The following CFAP74 variants were observed in gnomAD, a reference collection of about 807,000 sequenced individuals.
The protein encoded by CFAP74 is cilia and flagella associated protein 74, also known as cilia- and flagella-associated protein 74.
CFAP74 carries 124 observed loss-of-function variants against 188.9 expected under a neutral mutation model. That is an observed-to-expected ratio of 0.66 (90% CI 0.57 to 0.76). The LOEUF (loss-of-function observed/expected upper bound fraction) is 0.76. CFAP74 is among the 30% of genes least tolerant of loss of function. The probability of loss-of-function intolerance (pLI) is 0.00; values close to 1 mark genes in which losing one functional copy is unlikely to be tolerated. For synonymous variants in CFAP74, 956 were observed against 916.7 expected (o/e 1.04, Z -0.77); for missense variants, 2,198 against 2,165.2 (o/e 1.02, Z -0.30).
intron 1 of CFAP74, among the ~76,000 whole-genome samples, chr1:1,998,540 C>G (rs1658032509): frequency 6.6e-6 from 1 of 152,092 alleles, no homozygotes. Context: ...ACTTTTTTGA[C>G]TTTGCAATTT....
At chr1:1,970,849 C>T (rs1175396659) in intron 9 of CFAP74, 33 bp from the exon 10 acceptor site, 2 of 1,611,112 alleles carry the variant, frequency 1.2e-6, no homozygotes, top group Admixed American at 1.7e-5. Flanking sequence ...ATGACAGCAG[C>T]AGCACCCACG....
At chr1:1,940,986 G>T (rs996793650) in intron 22 of CFAP74, among the ~76,000 whole-genome samples, 2 of 152,044 alleles carry the variant, frequency 1.3e-5, no homozygotes, top group Admixed American at 1.3e-4. Flanking sequence ...GGTGGCGGGC[G>T]CCTGTAGTCC....
chr1:1,923,427 G>A lies in CFAP74; in HGVS notation c.4462C>T (p.Leu1488=). The change falls in exon 36 of 39, where the codon CTG becomes TTG. Residue 1488 remains leucine, a synonymous_variant. Coordinates refer to ENST00000682832, the MANE Select transcript of CFAP74 (RefSeq NM_001304360.2). The surrounding 1 kb of genome is among the most constrained non-coding windows in gnomAD (Gnocchi z 6.3). ...GTCAGAGACTCCACGGGCACGTCCA[G>A]GGGGTCGCCGCCCTCCACGAACATC... ...HMMFVEGGDP[L]DVPVESLTAI... 1 of 1,604,376 alleles carries A rather than the reference G, an allele frequency of 6.2e-7. No homozygotes were observed. The highest frequency in any genetic ancestry group is 8.5e-7 in the Non-Finnish European group (1 of 1,176,604).
intron 16 of CFAP74, among the ~76,000 whole-genome samples, chr1:1,958,579 C>T (rs1292779880): frequency 2.0e-5 from 3 of 152,204 alleles, no homozygotes; most frequent in Non-Finnish European, 4.4e-5. Context: ...ACTGGAGATG[C>T]ATGCTGAAGT....
chr1:1,974,319 C>A, intron 6 of CFAP74, 121 bp from the exon 7 acceptor site: 1 of 956,158 alleles, frequency 1.0e-6, no homozygotes. Context: ...TGGGTTAGCT[C>A]CCTCCTCTAG....
chr1:1,936,562 GAAA>G (rs921956192), intron 25 of CFAP74, among the ~76,000 whole-genome samples: 1 of 150,722 alleles, frequency 6.6e-6, no homozygotes, highest in Non-Finnish European at 1.5e-5. Context: ...AACAAAAAAA[GAAA>G]AAAAAGAAAA....
chr1:1,927,185 C>T (rs1398110764), intron 28 of CFAP74, 157 bp from the exon 29 acceptor site: 31 of 810,804 alleles, frequency 3.8e-5, no homozygotes, highest in Non-Finnish European at 5.3e-5. Context: ...CCACCCTTCT[C>T]TGGCTCCTGT....
In CFAP74 at chr1:1,928,873, C is replaced by A. The variant is rs1291706854; in HGVS notation, c.3298G>T (p.Val1100Phe). The change falls in exon 27 of 39, where the codon GTC becomes TTC. Residue 1100 changes from valine to phenylalanine, a missense_variant. Val to Phe is a conservative substitution (Grantham distance 50). Transcript: ENST00000682832. ...AGCACTGGCCGGAAGGCCACCTGGACCAGGCACCTCTGAGGAGAGACCAGC... is the reference window on the plus strand; with the variant it reads ...AGCACTGGCCGGAAGGCCACCTGGAACAGGCACCTCTGAGGAGAGACCAGC... ...GTVWPGKRCL[V>F]QVAFRPVLPE... 6.5e-7 allele frequency: 1 copy of A among 1,535,414 alleles called. No homozygotes were observed. The highest frequency in any genetic ancestry group is 8.7e-7 in the Non-Finnish European group (1 of 1,146,506).
intron 6 of CFAP74, chr1:1,984,898 C>T: frequency 6.2e-6 from 1 of 162,144 alleles, no homozygotes; most frequent in Non-Finnish European, 1.4e-5. Flanking sequence ...GACCTGGCTG[C>T]AGCTCCCGGG....
At chr1:1,985,845 TCC>T (rs1255761866) in intron 5 of CFAP74, among the ~76,000 whole-genome samples, 1 of 152,048 alleles carries the variant, frequency 6.6e-6, no homozygotes, top group Non-Finnish European at 1.5e-5. Flanking sequence ...GCGCCCTGGG[TCC>T]CCTCCCTCCC....
At chr1:1,948,124 G>GC (rs1191429013) in intron 18 of CFAP74, among the ~76,000 whole-genome samples, 5 of 151,764 alleles carry the variant, frequency 3.3e-5, no homozygotes, top group African/African-American at 7.3e-5. Context: ...GCCCACCTTG[G>GC]CCTCCCAAAG....
chr1:1,956,231 G>A (rs1261097579), intron 17 of CFAP74, among the ~76,000 whole-genome samples: 4 of 152,300 alleles, frequency 2.6e-5, no homozygotes, highest in South Asian at 4.1e-4. Flanking sequence ...AGGACAAGAC[G>A]CGCTCACACT....
chr1:1,958,806 T>A (rs1203826812), intron 16 of CFAP74, among the ~76,000 whole-genome samples: 1 of 151,980 alleles, frequency 6.6e-6, no homozygotes, highest in Non-Finnish European at 1.5e-5. Flanking sequence ...TCAGGCGGGA[T>A]CCCCCCAAGA....
chr1:1,966,088 G>A (rs745306960), intron 12 of CFAP74, among the ~76,000 whole-genome samples: 2 of 152,234 alleles, frequency 1.3e-5, no homozygotes, highest in African/African-American at 2.4e-5. Context: ...GAGCCCCACC[G>A]TCCCTCCCCG....
chr1:1,966,378 G>A lies in CFAP74; in HGVS notation c.1394C>T (p.Pro465Leu), dbSNP rs1285015515. The A allele has an allele frequency of 5.7e-6, 9 of 1,570,830 alleles. No individual in the cohort carries two copies. The highest frequency in any genetic ancestry group is 2.7e-5 in the African/African-American group (2 of 72,828). ...AGGAGCAGGAGCTGATACCTGGTAT[G>A]GCTTGTAGTCTTCATTCCAAAGCCC... is the stretch of plus-strand genomic sequence containing the variant. ...ISGLWNEDYKPYQVPKEDVDR... is the reference protein window; with the variant it reads ...ISGLWNEDYKLYQVPKEDVDR... Residue 465 changes from proline to leucine, a missense_variant, in exon 12 of 39, where the codon CCA becomes CTA. By Grantham distance (98) the Pro-to-Leu change is moderately conservative. Transcript: ENST00000682832.
At chr1:1,981,728 A>ATG (rs1656875630) in intron 6 of CFAP74, among the ~76,000 whole-genome samples, 4 of 129,572 alleles carry the variant, frequency 3.1e-5, no homozygotes, top group Non-Finnish European at 6.4e-5. Context: ...GCGGACAGAC[A>ATG]CGGGGGCACG....
At chr1:1,924,898 C>T (rs560882542) in intron 33 of CFAP74, among the ~76,000 whole-genome samples, 3 of 152,376 alleles carry the variant, frequency 2.0e-5, no homozygotes, top group East Asian at 1.9e-4. Flanking sequence ...ACGCCCGTCT[C>T]GGGCTCTGCC....
intron 1 of CFAP74, among the ~76,000 whole-genome samples, chr1:1,991,420 A>G (rs1657557724): frequency 1.3e-5 from 2 of 152,174 alleles, no homozygotes; most frequent in South Asian, 4.1e-4. Context: ...CACTCCCACC[A>G]GCAAATACCA....
chr1:1,965,664 G>T (rs993225151), intron 12 of CFAP74, among the ~76,000 whole-genome samples: 1 of 152,156 alleles, frequency 6.6e-6, no homozygotes, highest in South Asian at 2.1e-4. Context: ...GGGTGGGGGG[G>T]GCACTTGGCA....
Sources: allele counts gnomAD v4.1 joint callset (sites outside exome capture counted in the v4.1 genomes callset), GRCh38; gene constraint gnomAD v4.1.1; non-coding constraint Gnocchi (gnomAD v3.1); transcripts MANE v1.5; gene names NCBI Gene and HGNC (gene_info 2026-07-23, HGNC 2026-07-21).